Variants in SYNRG observed in about 807,000 individuals in gnomAD.
The protein encoded by SYNRG is synergin gamma, also known as AP1 gamma subunit binding protein 1.
Under a neutral mutation model 130.9 loss-of-function variants are expected in SYNRG, and 37 were observed. The ratio of observed to expected loss-of-function variants is 0.28; its 90% CI spans 0.22 to 0.37. The LOEUF is 0.37. Among genes scored for constraint, SYNRG ranks in the 10% least tolerant of loss-of-function variants. The pLI is 1.00. For missense variants in SYNRG, 1,338 were observed against 1,588.9 expected, an observed-to-expected ratio of 0.84 and a Z score of 2.68; for synonymous variants, 539 against 568.1, an observed-to-expected ratio of 0.95 and a Z score of 0.73.
chr17:37,541,294 A>T, intron 15 of SYNRG: 1 of 980,082 alleles, frequency 1.0e-6, no homozygotes. Flanking sequence ...AGGCAAACTC[A>T]AATGCCTTCA....
intron 14 of SYNRG, among the ~76,000 whole-genome samples, chr17:37,543,185 C>T (rs1014510254): frequency 8.6e-5 from 13 of 152,028 alleles, no homozygotes; most frequent in African/African-American, 2.4e-4. Context: ...TCAAATTGGA[C>T]GTCATATTGC....
rs147501758 is a variant in SYNRG, at chr17:37,539,161, A to G, written c.3420+31T>C. The G allele has an allele frequency of 3.2e-4, 513 of 1,612,938 alleles. 1 individual carries two copies. The African/African-American group carries it at 6.0e-3, about 19-fold the overall frequency. ...CAAAAAGGCACAAAAGAGCACTCAC[A>G]TATGTGTGAACGCGTAAGTGACATA... is the stretch of plus-strand genomic sequence containing the variant. On this transcript the variant is annotated intron_variant, in intron 17 of 21. Transcript: ENST00000612223.
At chr17:37,554,169 G>T in intron 13 of SYNRG, 110 bp from the exon 14 acceptor site, 2 of 930,636 alleles carry the variant, frequency 2.1e-6, no homozygotes, top group Non-Finnish European at 3.2e-6. Context: ...CCACTGACTT[G>T]ACATTACTTA....
chr17:37,575,745 G>T (rs2060777681), intron 8 of SYNRG, among the ~76,000 whole-genome samples: 1 of 151,548 alleles, frequency 6.6e-6, no homozygotes, highest in Admixed American at 6.6e-5. Flanking sequence ...GAGAGGCTGA[G>T]GTGGGAGGAT....
At position 37,517,324 on chromosome 17, in the gene SYNRG, G is replaced by T. The variant is rs1400365863; in HGVS notation, c.*1616C>A. On this transcript the variant is annotated 3_prime_UTR_variant, in exon 22 of 22. Transcript: ENST00000612223. ...AGCGCCGAGGCCTCAGGAAAAGCCT[G>T]CCAAAAGCTGTCCCACTTGTGTTGT... The T allele has an allele frequency of 1.3e-5, 2 of 152,132 alleles. No homozygotes were observed. The highest frequency in any genetic ancestry group is 2.9e-5 in the Non-Finnish European group (2 of 68,070). 9.4% of individuals were successfully genotyped at this position (152,132 alleles called of 1,614,324 possible). A position where few individuals can be genotyped will look rare whatever the true frequency, so the allele number is the denominator to read the frequency against.
intron 13 of SYNRG, among the ~76,000 whole-genome samples, chr17:37,555,192 T>A (rs1347478384): frequency 2.0e-5 from 3 of 152,098 alleles, no homozygotes; most frequent in Non-Finnish European, 4.4e-5. Context: ...AATGGTGTGA[T>A]CTCAGTTCAC....
chr17:37,516,535 G>T lies in SYNRG; in HGVS notation c.*2405C>A, dbSNP rs1182293639. 6.6e-6 allele frequency: 1 copy of T among 152,080 alleles called. No individual in the cohort carries two copies. Among genetic ancestry groups the T allele is most frequent in the Non-Finnish European group, 1.5e-5 (1 of 68,028 alleles). 9.4% of individuals were successfully genotyped at this position (152,080 alleles called of 1,614,324 possible). ...TCTGAGGCATTCTGGAATTTCTCAG[G>T]AATAGAAACCAGCCCAGCTACCAAG... On this transcript the variant is annotated 3_prime_UTR_variant, in exon 22 of 22. Coordinates refer to ENST00000612223, the MANE Select transcript of SYNRG (RefSeq NM_007247.6).
intron 7 of SYNRG, 28 bp from the exon 8 acceptor site, chr17:37,576,446 T>C (rs1259561111): frequency 1.9e-6 from 3 of 1,594,216 alleles, no homozygotes; most frequent in African/African-American, 1.3e-5. Flanking sequence ...TTAATGTATA[T>C]AGTGGTCCAT....
At chr17:37,565,972 GC>G (rs1262584398) in intron 11 of SYNRG, among the ~76,000 whole-genome samples, 3 of 150,466 alleles carry the variant, frequency 2.0e-5, no homozygotes, top group East Asian at 2.0e-4. Flanking sequence ...GGGGGGGTCA[GC>G]CCCCTGCCCG....
Position 37,572,001 on chromosome 17 carries a change from G to C in SYNRG, c.902-14C>G. On this transcript the variant is annotated splice_polypyrimidine_tract_variant and intron_variant, in intron 8 of 21. Transcript: ENST00000612223. ...TCTTATAGGCATCTATTAAAGGAAA[G>C]ACCAGATTACAAATGGAAACACATT... is the stretch of plus-strand genomic sequence containing the variant. 6.3e-7 allele frequency: 1 copy of C among 1,597,150 alleles called. No individual in the cohort carries two copies. Among genetic ancestry groups the C allele is most frequent in the Non-Finnish European group, 8.5e-7 (1 of 1,170,918 alleles).
chr17:37,568,250 C>T (rs2060143659), intron 11 of SYNRG: 1 of 152,146 alleles, frequency 6.6e-6, no homozygotes, highest in Non-Finnish European at 1.5e-5. Context: ...AGTTACTGTA[C>T]CTGAAGGTTA....
At chr17:37,521,033 C>CTT (rs66478744) in intron 19 of SYNRG, among the ~76,000 whole-genome samples, 4 of 126,368 alleles carry the variant, frequency 3.2e-5, no homozygotes, top group Non-Finnish European at 5.0e-5. Flanking sequence ...TTTTTCTTTT[C>CTT]TTTTTTTTTT....
Position 37,556,287 on chromosome 17 carries a change from TA to T in SYNRG, c.1664-2229del, listed in dbSNP as rs2059115793. ...CAACATAGTGAAACCCCATCTCTAC[TA>T]AAAATACAAAAAATTAGCTGGGTGT... On this transcript the variant is annotated intron_variant, in intron 13 of 21. Transcript: ENST00000612223. Among the ~76,000 whole-genome samples, 3 of 151,754 alleles carry T rather than the reference TA, an allele frequency of 2.0e-5. No individual in the cohort carries two copies. The South Asian group carries it at 6.2e-4, about 32-fold the overall frequency.
chr17:37,580,598 G>A (rs1013286492), intron 6 of SYNRG, among the ~76,000 whole-genome samples: 11 of 151,858 alleles, frequency 7.2e-5, no homozygotes, highest in Non-Finnish European at 1.6e-4. Context: ...GCAGTGGCGC[G>A]ATCTCGGCTC....
chr17:37,596,273 T>C lies in SYNRG; in HGVS notation c.190A>G (p.Met64Val). ...ATCTGAGAGCTGTAATTCATTCCCATAATGCCTTGCATATTAGGCTGCATG... is the reference window on the plus strand; with the variant it reads ...ATCTGAGAGCTGTAATTCATTCCCACAATGCCTTGCATATTAGGCTGCATG... ...SVMQPNMQGI[M>V]GMNYSSQMSQ... The change falls in exon 3 of 22, where the codon ATG (methionine) becomes GTG (valine). Residue 64 changes from methionine to valine, a missense_variant. Met to Val is a conservative substitution (Grantham distance 21). Coordinates refer to ENST00000612223, the MANE Select transcript of SYNRG (RefSeq NM_007247.6). 6.2e-7 allele frequency: 1 copy of C among 1,614,184 alleles called. No homozygotes were observed. Among genetic ancestry groups the C allele is most frequent in the Non-Finnish European group, 8.5e-7 (1 of 1,180,002 alleles).
At chr17:37,580,890 G>C (rs2061275961) in intron 6 of SYNRG, among the ~76,000 whole-genome samples, 1 of 152,006 alleles carries the variant, frequency 6.6e-6, no homozygotes, top group Admixed American at 6.6e-5. Flanking sequence ...GGCTGGTCTT[G>C]AACTCCTAAC....
rs1322656157 is a variant in SYNRG, at chr17:37,518,638, C to G, written c.*302G>C. 2.1e-5 allele frequency: 7 copies of G among 326,180 alleles called. No individual in the cohort carries two copies. Among genetic ancestry groups the G allele is most frequent in the Non-Finnish European group, 3.9e-5 (7 of 178,482 alleles). 20.2% of individuals were successfully genotyped at this position (326,180 alleles called of 1,614,324 possible). A position where few individuals can be genotyped will look rare whatever the true frequency, so the allele number is the denominator to read the frequency against. Reference sequence around the variant, plus strand: ...TTTTTCTTCAAATGTCAGTTCTTCACAGTTTCAATACTGCAGCAGCAAGTT... The same window carrying G: ...TTTTTCTTCAAATGTCAGTTCTTCAGAGTTTCAATACTGCAGCAGCAAGTT... On this transcript the variant is annotated 3_prime_UTR_variant, in exon 22 of 22. Transcript: ENST00000612223.
At chr17:37,580,473 T>C (rs994117853) in intron 6 of SYNRG, among the ~76,000 whole-genome samples, 1 of 108,040 alleles carries the variant, frequency 9.3e-6, no homozygotes, top group African/African-American at 4.3e-5. Flanking sequence ...TTAATCTTTG[T>C]ATTTCGTGTG....
In SYNRG at chr17:37,543,323, A is replaced by T. The variant is rs577601107; in HGVS notation, c.2609-758T>A. 5.9e-3 allele frequency among the ~76,000 whole-genome samples: 865 copies of T among 147,090 alleles called. 8 individuals are homozygous for T. The highest frequency in any genetic ancestry group is 0.021 in the Middle Eastern group (6 of 290). On this transcript the variant is annotated intron_variant, in intron 14 of 21. Coordinates refer to ENST00000612223, the MANE Select transcript of SYNRG (RefSeq NM_007247.6). ...ACTATGTATCTACTCCCCATTTTTT[A>T]AAAAAAAAGGAAAGAAGAAAAAGAA...
Sources: gnomAD v4.1 joint callset for allele counts (sites outside exome capture counted in the v4.1 genomes callset) on GRCh38, gnomAD v4.1.1 for gene constraint, MANE v1.5 for transcripts, NCBI Gene and HGNC (gene_info 2026-07-23, HGNC 2026-07-21) for gene names.